Variants in ABLIM1 observed in about 807,000 individuals in gnomAD.
ABLIM1 encodes the protein actin-binding LIM protein 1.
A neutral mutation model predicts 107.0 loss-of-function variants in ABLIM1; 40 were observed. That is an observed-to-expected ratio of 0.37 (90% CI 0.29 to 0.49). The LOEUF (loss-of-function observed/expected upper bound fraction) is 0.49. ABLIM1 is among the 20% of genes least tolerant of loss of function. The pLI is 0.97. For missense variants in ABLIM1, 857 were observed against 1,008.5 expected, an observed-to-expected ratio of 0.85 and a Z score of 2.04; for synonymous variants, 357 against 357.3, an observed-to-expected ratio of 1.00 and a Z score of 0.01.
At chr10:114,795,306 T>C in the ABLIM1 span, among the ~76,000 whole-genome samples, 1 of 152,328 alleles carries the variant, frequency 6.6e-6, no homozygotes, top group South Asian at 2.1e-4. Context: ...CTGTCACTCA[T>C]TCACCGCACA....
chr10:114,447,786 A>T (rs1589759208), intron 15 of ABLIM1, 94 bp downstream of exon 15: 1 of 1,528,868 alleles, frequency 6.5e-7, no homozygotes, highest in Non-Finnish European at 8.9e-7. Context: ...TAAAATCTTC[A>T]TAATAGGATA....
intron 6 of ABLIM1, among the ~76,000 whole-genome samples, chr10:114,507,891 T>G (rs1405220118): frequency 6.6e-6 from 1 of 152,158 alleles, no homozygotes; most frequent in Non-Finnish European, 1.5e-5. Flanking sequence ...CCCCCTGAGT[T>G]CTGGAGTAAA....
At chr10:114,742,489 C>T (rs547697063) in intron 1 of ABLIM1, among the ~76,000 whole-genome samples, 42 of 152,328 alleles carry the variant, frequency 2.8e-4, no homozygotes, top group African/African-American at 9.6e-4. Context: ...AAAACATTCT[C>T]ATCTGCACTC....
At chr10:114,587,170 T>C (rs11196793) in intron 2 of ABLIM1, among the ~76,000 whole-genome samples, 60,425 of 152,140 alleles carry the variant, frequency 0.4, 14,150 homozygotes, top group Non-Finnish European at 0.53. Context: ...TCTTGAAAAA[T>C]GTATTCCAAC....
intron 1 of ABLIM1, among the ~76,000 whole-genome samples, chr10:114,695,824 C>T (rs2081182731): frequency 6.6e-6 from 1 of 152,152 alleles, no homozygotes; most frequent in Non-Finnish European, 1.5e-5. Flanking sequence ...CAAACCAAGG[C>T]ACCTCAAATT....
exon 1 of ABLIM1, chr10:114,684,448 C>G (rs1359141258): frequency 1.3e-6 from 2 of 1,569,462 alleles, no homozygotes; most frequent in South Asian, 2.4e-5. Context: ...GGCCCTGGCT[C>G]TCCTCCCAGG....
At chr10:114,788,441 G>C in the ABLIM1 span, among the ~76,000 whole-genome samples, 2 of 150,926 alleles carry the variant, frequency 1.3e-5, no homozygotes, top group Non-Finnish European at 3.0e-5. Context: ...AAGAAATCTA[G>C]TAGGGACTGG....
chr10:114,536,084 C>A (rs2065965279), intron 6 of ABLIM1, among the ~76,000 whole-genome samples: 1 of 152,016 alleles, frequency 6.6e-6, no homozygotes, highest in Admixed American at 6.5e-5. Context: ...CATTAGCAGT[C>A]ATTCGTTATT....
chr10:114,719,955 T>C (rs2081800279), intron 1 of ABLIM1, among the ~76,000 whole-genome samples: 1 of 152,236 alleles, frequency 6.6e-6, no homozygotes, highest in Admixed American at 6.5e-5. Flanking sequence ...AGTGGTTTGC[T>C]GCACTTATCA....
chr10:114,660,117 C>T (rs1158682733), upstream of ABLIM1, among the ~76,000 whole-genome samples: 1 of 152,192 alleles, frequency 6.6e-6, no homozygotes, highest in Non-Finnish European at 1.5e-5. Flanking sequence ...TCTACCACTA[C>T]TGAAGTCACA....
chr10:114,603,991 C>T (rs2076234634), intron 1 of ABLIM1, among the ~76,000 whole-genome samples: 1 of 151,010 alleles, frequency 6.6e-6, no homozygotes, highest in South Asian at 2.1e-4. Flanking sequence ...TTAAAAATAT[C>T]TGCCTTAAGT....
intron 1 of ABLIM1, among the ~76,000 whole-genome samples, chr10:114,672,092 G>C (rs762831831): frequency 3.3e-5 from 5 of 152,058 alleles, no homozygotes; most frequent in African/African-American, 4.8e-5. Flanking sequence ...GCCCGGGCTG[G>C]TCTTGAACTC....
intron 6 of ABLIM1, among the ~76,000 whole-genome samples, chr10:114,532,634 G>A (rs1489439696): frequency 6.6e-6 from 1 of 152,188 alleles, no homozygotes; most frequent in Non-Finnish European, 1.5e-5. Context: ...ACTGTGCCCG[G>A]AAGAGAAATT....
intron 22 of ABLIM1, among the ~76,000 whole-genome samples, chr10:114,437,318 TTTC>T (rs1390978121): frequency 6.8e-6 from 1 of 146,424 alleles, no homozygotes; most frequent in Non-Finnish European, 1.5e-5. Flanking sequence ...TTTTTCTTTC[TTTC>T]TTTTTTTTTT....
chr10:114,773,233 T>G, the ABLIM1 span, among the ~76,000 whole-genome samples: 14 of 152,162 alleles, frequency 9.2e-5, no homozygotes, highest in Non-Finnish European at 1.9e-4. Flanking sequence ...CCAGGTTGGA[T>G]GAATAAAAAG....
chr10:114,453,057 A>C (rs538102755), intron 13 of ABLIM1, among the ~76,000 whole-genome samples: 5 of 152,372 alleles, frequency 3.3e-5, no homozygotes, highest in African/African-American at 1.2e-4. Context: ...AATGACAGCA[A>C]ACCACAGAAA....
At chr10:114,451,030 TCTAA>T (rs1404709700) in intron 14 of ABLIM1, among the ~76,000 whole-genome samples, 5 of 152,226 alleles carry the variant, frequency 3.3e-5, no homozygotes, top group Non-Finnish European at 7.3e-5. Context: ...GACAAACTGA[TCTAA>T]CTAACTGGTT....
chr10:114,691,109 A>G (rs1267838798), intron 1 of ABLIM1, among the ~76,000 whole-genome samples: 1 of 152,222 alleles, frequency 6.6e-6, no homozygotes, highest in African/African-American at 2.4e-5. Flanking sequence ...AAGATGAGAA[A>G]ACTAAGCCTA....
the ABLIM1 span, among the ~76,000 whole-genome samples, chr10:114,791,633 G>A: frequency 2.3e-4 from 35 of 149,568 alleles, no homozygotes; most frequent in Non-Finnish European, 4.3e-4. Context: ...GCAAGATTCC[G>A]TCTCAAAAAA....
Sources: gnomAD v4.1 joint callset for allele counts (sites outside exome capture counted in the v4.1 genomes callset) on GRCh38, gnomAD v4.1.1 for gene constraint, MANE v1.5 for transcripts, NCBI Gene and HGNC (gene_info 2026-07-23, HGNC 2026-07-21) for gene names.